Variants in RAB18 observed in about 807,000 individuals in gnomAD.
RAB18 encodes ras-related protein Rab-18.
RAB18 carries 10 observed loss-of-function variants against 28.5 expected under a neutral mutation model. The ratio of observed to expected loss-of-function variants is 0.35; its 90% CI spans 0.22 to 0.60. RAB18 has a LOEUF of 0.60. Among genes scored for constraint, RAB18 ranks in the 20% least tolerant of loss-of-function variants. RAB18 has a pLI of 0.78. For missense variants in RAB18, 188 were observed against 244.2 expected (o/e 0.77, Z 1.53); for synonymous variants, 93 against 86.9 (o/e 1.07, Z -0.39).
intron 2 of RAB18, among the ~76,000 whole-genome samples, chr10:27,511,635 G>A (rs953969076): frequency 6.6e-6 from 1 of 152,114 alleles, no homozygotes; most frequent in Non-Finnish European, 1.5e-5. Context: ...TGTCCTTAAC[G>A]GTTAGATTCA....
chr10:27,505,169 T>G (rs1837789490), intron 1 of RAB18: 2 of 531,720 alleles, frequency 3.8e-6, no homozygotes, highest in Non-Finnish European at 7.7e-6. Flanking sequence ...AAAATAATAT[T>G]GACAGTGGAG....
In RAB18 at chr10:27,513,034, T is replaced by TATA. The variant is rs200640744; in HGVS notation, c.124+3104_124+3105insATA. On this transcript the variant is annotated intron_variant, in intron 2 of 6. Transcript: ENST00000356940. ...TAATAACATATATATATATATATAT[T>TATA]TTTTTTTTTTTTTTGGAGACAAGAG... is the stretch of plus-strand genomic sequence containing the variant. 4.8e-3 allele frequency among the ~76,000 whole-genome samples: 562 copies of TATA among 116,326 alleles called. 2 individuals carry two copies. The highest frequency in any genetic ancestry group is 0.014 in the African/African-American group (440 of 30,872). 76.3% of individuals were successfully genotyped at this position (116,326 alleles called of 152,430 possible).
intron 2 of RAB18, among the ~76,000 whole-genome samples, chr10:27,524,184 C>A (rs1834627417): frequency 6.6e-6 from 1 of 152,212 alleles, no homozygotes; most frequent in Non-Finnish European, 1.5e-5. Context: ...CCCACCTTAG[C>A]CTCTCAAAGT....
intron 3 of RAB18, among the ~76,000 whole-genome samples, chr10:27,528,538 C>A (rs1834725887): frequency 6.6e-6 from 1 of 151,988 alleles, no homozygotes; most frequent in African/African-American, 2.4e-5. Context: ...ATTTTTAAAC[C>A]TGTTTGTCCT....
At chr10:27,519,350 A>G (rs1834502148) in intron 2 of RAB18, among the ~76,000 whole-genome samples, 1 of 152,128 alleles carries the variant, frequency 6.6e-6, no homozygotes, top group African/African-American at 2.4e-5. Flanking sequence ...GATAAAATAA[A>G]GAATGTTTTC....
chr10:27,519,316 CAT>C (rs1304635781), intron 2 of RAB18, among the ~76,000 whole-genome samples: 4 of 151,926 alleles, frequency 2.6e-5, no homozygotes, highest in African/African-American at 9.7e-5. Flanking sequence ...CTATAAAAAA[CAT>C]ACAACTAACA....
chr10:27,517,698 T>C (rs1336852523), intron 2 of RAB18, among the ~76,000 whole-genome samples: 5 of 152,248 alleles, frequency 3.3e-5, no homozygotes, highest in African/African-American at 1.2e-4. Flanking sequence ...TAAAAAATTA[T>C]ACATTAAAGT....
chr10:27,532,780 A>G (rs892793588), intron 4 of RAB18, among the ~76,000 whole-genome samples: 3 of 152,086 alleles, frequency 2.0e-5, no homozygotes, highest in African/African-American at 4.8e-5. Context: ...AAAATAGACA[A>G]GGCTAATTTA....
At chr10:27,508,018 TAAA>T (rs1013067334) in intron 1 of RAB18, among the ~76,000 whole-genome samples, 2 of 135,824 alleles carry the variant, frequency 1.5e-5, no homozygotes, top group Admixed American at 7.4e-5. Context: ...CCCTCTCTCT[TAAA>T]AAAAAAAAAA....
chr10:27,506,870 T>C lies in RAB18; in HGVS notation c.68+2433T>C, dbSNP rs186308497. On this transcript the variant is annotated intron_variant, in intron 1 of 6. Transcript: ENST00000356940. Reference sequence around the variant, plus strand: ...TGGGCCTAATCTGTTTTAAACTTTTTCCTCAATACGTAGCAATGGATTATC... The same window carrying C: ...TGGGCCTAATCTGTTTTAAACTTTTCCCTCAATACGTAGCAATGGATTATC... Among the ~76,000 whole-genome samples the C allele has an allele frequency of 2.1e-4, 32 of 152,316 alleles. 1 individual carries two copies. The East Asian group carries it at 3.7e-3, about 18-fold the overall frequency.
At position 27,540,493 on chromosome 10, in the gene RAB18, G is replaced by A; in HGVS notation, c.*2442G>A. 2.2e-6 allele frequency: 1 copy of A among 454,014 alleles called. No individual in the cohort carries two copies. The highest frequency in any genetic ancestry group is 1.6e-5 in the South Asian group (1 of 64,472). The allele number at this position is 454,014 out of a possible 1,614,324, so 28.1% of individuals were successfully genotyped here. On this transcript the variant is annotated 3_prime_UTR_variant, in exon 7 of 7. Transcript: ENST00000356940. ...TTTCTTTATCACTCTTTTGTTATAT[G>A]TAATAGAAGTATTTCACACTTTTGG...
Position 27,534,003 on chromosome 10 carries a change from G to T in RAB18, c.445+9G>T, listed in dbSNP as rs773648790. The stretch of plus-strand genomic sequence containing the variant: ...TTCCATGTTATTTATAGGTAGGTGT[G>T]TGAATGAATATCTGTCCTTTCATTA... On this transcript the variant is annotated intron_variant, in intron 6 of 6. Transcript: ENST00000356940. 1.3e-6 allele frequency: 2 copies of T among 1,581,140 alleles called. No homozygotes were observed. The highest frequency in any genetic ancestry group is 1.7e-4 in the Middle Eastern group (1 of 6,010).
At chr10:27,537,807 T>G in intron 6 of RAB18, 69 bp from the exon 7 acceptor site, 2 of 1,392,938 alleles carry the variant, frequency 1.4e-6, no homozygotes, top group African/African-American at 2.9e-5. Flanking sequence ...CCTGATAGTT[T>G]CCCAGAAAAA....
rs138367805 is a variant in RAB18, at chr10:27,520,974, C to T, written c.125-5854C>T. Among the ~76,000 whole-genome samples the T allele has an allele frequency of 3.6e-3, 528 of 145,956 alleles. 11 individuals carry two copies. Among genetic ancestry groups the T allele is most frequent in the Admixed American group, 0.029 (429 of 14,574 alleles). On this transcript the variant is annotated intron_variant, in intron 2 of 6. Coordinates refer to ENST00000356940, the MANE Select transcript of RAB18 (RefSeq NM_021252.5). ...TTTTTTTCTCTTAACATTTCTTTCA[C>T]GGCATTCCCTAAATTTTAATATATT...
Position 27,541,502 on chromosome 10 carries a change from A to T in RAB18, c.*3451A>T, listed in dbSNP as rs1835029611. ...TCTGATTGTGGTATAAAGTTTGCTT[A>T]AGTGCCCCTTAGTTAAAGCTGTTCA... On this transcript the variant is annotated 3_prime_UTR_variant, in exon 7 of 7. Coordinates refer to ENST00000356940, the MANE Select transcript of RAB18 (RefSeq NM_021252.5). The T allele has an allele frequency of 2.2e-6, 1 of 453,892 alleles. No homozygotes were observed. The highest frequency in any genetic ancestry group is 4.4e-6 in the Non-Finnish European group (1 of 226,776). 28.1% of individuals were successfully genotyped at this position (453,892 alleles called of 1,614,324 possible). A position where few individuals can be genotyped will look rare whatever the true frequency, so the allele number is the denominator to read the frequency against.
At chr10:27,527,012 AT>A (rs769293902) in intron 3 of RAB18, 123 bp downstream of exon 3, 1 of 1,034,660 alleles carries the variant, frequency 9.7e-7, no homozygotes, top group South Asian at 1.3e-5. Flanking sequence ...CTTTTGGGAG[AT>A]TTGATACTGA....
intron 2 of RAB18, among the ~76,000 whole-genome samples, chr10:27,521,817 A>T (rs1267539981): frequency 6.6e-6 from 1 of 152,002 alleles, no homozygotes; most frequent in African/African-American, 2.4e-5. Flanking sequence ...ATGTAACCAC[A>T]TACCACCTCT....
intron 1 of RAB18, 105 bp from the exon 2 acceptor site, chr10:27,509,770 A>G (rs572793190): frequency 2.1e-6 from 2 of 938,534 alleles, no homozygotes; most frequent in South Asian, 2.7e-5. Flanking sequence ...TACATCAGTT[A>G]TTTTTATCTG....
At chr10:27,513,201 A>G (rs2138979407) in intron 2 of RAB18, among the ~76,000 whole-genome samples, 1 of 151,766 alleles carries the variant, frequency 6.6e-6, no homozygotes, top group Middle Eastern at 3.4e-3. Context: ...TGCCTTGCTA[A>G]TTTTTATGTT....
Sources: allele counts gnomAD v4.1 joint callset (sites outside exome capture counted in the v4.1 genomes callset), GRCh38; gene constraint gnomAD v4.1.1; transcripts MANE v1.5; gene names NCBI Gene and HGNC (gene_info 2026-07-23, HGNC 2026-07-21).